ADGRD1: variants seen among roughly 807,000 people sequenced by gnomAD.
ADGRD1 encodes adhesion G protein-coupled receptor D1.
Under a neutral mutation model 113.4 loss-of-function variants are expected in ADGRD1, and 77 were observed. The observed-to-expected ratio is 0.68, with a 90% CI of 0.57 to 0.82. The LOEUF is 0.82. Among genes scored for constraint, ADGRD1 ranks in the 40% least tolerant of loss-of-function variants. The pLI, the probability that ADGRD1 is intolerant of heterozygous loss-of-function variation, is 0.00. For missense variants in ADGRD1, 1,036 were observed against 1,139.1 expected (o/e 0.91, Z 1.30); for synonymous variants, 474 against 475.0 (o/e 1.00, Z 0.03).
At chr12:130,961,744 G>A (rs1403396504) in intron 2 of ADGRD1, among the ~76,000 whole-genome samples, 1 of 152,070 alleles carries the variant, frequency 6.6e-6, no homozygotes, top group Non-Finnish European at 1.5e-5. Context: ...GAACCTGTGG[G>A]CTGAATTCAG....
chr12:131,040,188 C>G (rs1315096794), intron 13 of ADGRD1, among the ~76,000 whole-genome samples: 1 of 152,144 alleles, frequency 6.6e-6, no homozygotes. Flanking sequence ...TGGGGTTTGT[C>G]ATTAACAGGA....
rs138167390 is a variant in ADGRD1, at chr12:131,106,003, C to T, written c.1887+138C>T. 6.9e-4 allele frequency: 456 copies of T among 663,972 alleles called. 1 individual carries two copies. The highest frequency in any genetic ancestry group is 4.1e-3 in the African/African-American group (227 of 55,608). 41.1% of individuals were successfully genotyped at this position (663,972 alleles called of 1,614,324 possible). On this transcript the variant is annotated intron_variant, in intron 17 of 24. Transcript: ENST00000261654. ...CAGACAACCAGGGCTGTGGTTTTCT[C>T]GGGGGAAGCAGAGATCGTGACGTGC...
chr12:131,102,568 G>T (rs1012561976), intron 15 of ADGRD1, among the ~76,000 whole-genome samples: 1 of 152,204 alleles, frequency 6.6e-6, no homozygotes, highest in African/African-American at 2.4e-5. Flanking sequence ...GCCAGGCAGC[G>T]ATAGGGAGTG....
At chr12:131,137,432 C>T (rs1011828756) in intron 23 of ADGRD1, among the ~76,000 whole-genome samples, 2 of 152,250 alleles carry the variant, frequency 1.3e-5, no homozygotes, top group African/African-American at 4.8e-5. Flanking sequence ...TTCGGTGCTG[C>T]TCTGGGCCTG....
intron 19 of ADGRD1, 154 bp from the exon 20 acceptor site, chr12:131,120,693 A>C: frequency 2.7e-6 from 2 of 747,044 alleles, no homozygotes; most frequent in Non-Finnish European, 4.8e-6. Context: ...CATCATGGAT[A>C]AAAATACATT....
At chr12:131,078,123 A>G (rs1234136553) in intron 14 of ADGRD1, among the ~76,000 whole-genome samples, 1 of 152,122 alleles carries the variant, frequency 6.6e-6, no homozygotes, top group African/African-American at 2.4e-5. Flanking sequence ...AGGCTGTGCC[A>G]CCTCTGCTGG....
chr12:131,104,332 C>T (rs1165654852), intron 15 of ADGRD1, among the ~76,000 whole-genome samples: 1 of 152,224 alleles, frequency 6.6e-6, no homozygotes, highest in Non-Finnish European at 1.5e-5. Context: ...TCCCTAGCTG[C>T]TCCAGCACTT....
Position 131,003,663 on chromosome 12 carries a change from G to A in ADGRD1, c.1144+361G>A, listed in dbSNP as rs7315876. ...AGCTTGCTCTCAGCTGGGCTCCAGG[G>A]TAATTGTCACAGTTGTCTAATTGTA... On this transcript the variant is annotated intron_variant, in intron 10 of 24. Transcript: ENST00000261654. This position sits in a 1 kb window ranked among gnomAD's most constrained non-coding sequence, Gnocchi z 4.8. Among the ~76,000 whole-genome samples, 73,193 of 152,144 alleles carry A rather than the reference G, an allele frequency of 0.48. 18,208 individuals are homozygous for A. The highest frequency in any genetic ancestry group is 0.58 in the African/African-American group (23,903 of 41,508).
intron 4 of ADGRD1, among the ~76,000 whole-genome samples, chr12:130,974,185 T>C (rs1872036412): frequency 6.6e-6 from 1 of 152,252 alleles, no homozygotes; most frequent in South Asian, 2.1e-4. Context: ...GATGAGCTTG[T>C]ACTTCTGTGT....
chr12:130,973,492 A>T (rs1871936846), intron 4 of ADGRD1: 1 of 152,178 alleles, frequency 6.6e-6, no homozygotes. Flanking sequence ...TCACTAGGGT[A>T]TCTTTTCTAA....
intron 2 of ADGRD1, chr12:130,962,805 C>T (rs916667486): frequency 1.3e-5 from 2 of 152,138 alleles, no homozygotes; most frequent in Non-Finnish European, 2.9e-5. Context: ...TCCTGGCTTA[C>T]ATTTTGAGCT....
intron 13 of ADGRD1, among the ~76,000 whole-genome samples, chr12:131,066,636 G>A (rs960552972): frequency 1.3e-5 from 2 of 152,226 alleles, no homozygotes; most frequent in Admixed American, 6.5e-5. Context: ...GGGGACCTGG[G>A]GAGGTGACAA....
chr12:131,062,591 C>G (rs550458766), intron 13 of ADGRD1, among the ~76,000 whole-genome samples: 1 of 152,120 alleles, frequency 6.6e-6, no homozygotes, highest in Non-Finnish European at 1.5e-5. Context: ...GTGAATACGT[C>G]TCTTGAGATC....
intron 5 of ADGRD1, among the ~76,000 whole-genome samples, chr12:130,985,572 T>C (rs563696914): frequency 2.6e-5 from 4 of 151,066 alleles, no homozygotes; most frequent in Non-Finnish European, 4.4e-5. Context: ...TTTTTTGAGA[T>C]GGAGTTTGGC....
rs1375540205 is a variant in ADGRD1 at position 131,140,638 on chromosome 12, G to C, written c.*1375G>C. 1 of 152,266 alleles carries C rather than the reference G, an allele frequency of 6.6e-6. No individual in the cohort carries two copies. Among genetic ancestry groups the C allele is most frequent in the African/African-American group, 2.4e-5 (1 of 41,460 alleles). The allele number at this position is 152,266 out of a possible 1,614,324, so 9.4% of individuals were successfully genotyped here. A position where few individuals can be genotyped will look rare whatever the true frequency, so the allele number is the denominator to read the frequency against. On this transcript the variant is annotated 3_prime_UTR_variant, in exon 25 of 25. Transcript: ENST00000261654. ...TCATTCAGCCCCTCCACACCCCTAT[G>C]TCTGCCTTGTTTCAGAGTGAGTTTT...
At chr12:131,039,263 G>A (rs1195158400) in intron 13 of ADGRD1, among the ~76,000 whole-genome samples, 1 of 152,018 alleles carries the variant, frequency 6.6e-6, no homozygotes, top group African/African-American at 2.4e-5. Context: ...GGGACGGTGC[G>A]GAGAGCCCTG....
At chr12:131,111,670 T>G (rs1950350296) in intron 18 of ADGRD1, among the ~76,000 whole-genome samples, 1 of 152,146 alleles carries the variant, frequency 6.6e-6, no homozygotes, top group South Asian at 2.1e-4. Flanking sequence ...CTCTTCAAGT[T>G]CACTGATTCT....
At chr12:131,066,186 T>C (rs1884705634) in intron 13 of ADGRD1, among the ~76,000 whole-genome samples, 1 of 152,170 alleles carries the variant, frequency 6.6e-6, no homozygotes, top group Non-Finnish European at 1.5e-5. Context: ...CACAATAGGA[T>C]TGTGACCGCT....
At chr12:131,136,941 C>G in intron 22 of ADGRD1, 32 bp from the exon 23 acceptor site, 1 of 1,580,138 alleles carries the variant, frequency 6.3e-7, no homozygotes, top group Non-Finnish European at 8.7e-7. Context: ...GCAAAGGGCT[C>G]TAATCTCTGC....
Sources: gnomAD v4.1 joint callset for allele counts (sites outside exome capture counted in the v4.1 genomes callset) on GRCh38, gnomAD v4.1.1 for gene constraint, Gnocchi (gnomAD v3.1) non-coding constraint, MANE v1.5 for transcripts, NCBI Gene and HGNC (gene_info 2026-07-23, HGNC 2026-07-21) for gene names.